Variants in UGT1A7 observed in about 807,000 individuals in gnomAD.
UGT1A7 encodes the protein UDP glucuronosyltransferase family 1 member A7.
A neutral mutation model predicts 45.6 loss-of-function variants in UGT1A7; 33 were observed. That is an observed-to-expected ratio of 0.72 (90% CI 0.55 to 0.97). UGT1A7 has a LOEUF of 0.97. UGT1A7 is among the 50% of genes least tolerant of loss of function. The probability of loss-of-function intolerance (pLI) is 0.00; values close to 1 mark genes in which losing one functional copy is unlikely to be tolerated. For missense variants in UGT1A7, 684 were observed against 666.2 expected (o/e 1.03, Z -0.29); for synonymous variants, 274 against 250.6 (o/e 1.09, Z -0.88).
intron 1 of UGT1A7, among the ~76,000 whole-genome samples, chr2:233,764,942 G>T (rs12479045): frequency 6.6e-6 from 1 of 152,080 alleles, no homozygotes; most frequent in African/African-American, 2.4e-5. Flanking sequence ...TGAGAGTGGC[G>T]GGGAGAGAGG....
chr2:233,686,767 G>A (rs764503314), intron 1 of UGT1A7, among the ~76,000 whole-genome samples: 8 of 152,058 alleles, frequency 5.3e-5, no homozygotes, highest in Non-Finnish European at 8.8e-5. Flanking sequence ...TTTATTTTAT[G>A]CAACACTCCA....
intron 1 of UGT1A7, chr2:233,719,039 A>C (rs201935850): frequency 2.4e-4 from 385 of 1,614,106 alleles, no homozygotes; most frequent in Admixed American, 1.3e-3. Flanking sequence ...AAGAAGAGAA[A>C]TTTTTCACCC....
rs45594938 is a variant in UGT1A7 at position 233,691,504 on chromosome 2, G to C, written c.855+8712G>C. The C allele has an allele frequency of 8.0e-4, 790 of 985,758 alleles. 9 individuals carry two copies. In the African/African-American group the frequency reaches 0.013, roughly 16 times the overall value. The allele number at this position is 985,758 out of a possible 1,614,324, so 61.1% of individuals were successfully genotyped here. A position where few individuals can be genotyped will look rare whatever the true frequency, so the allele number is the denominator to read the frequency against. On this transcript the variant is annotated intron_variant, in intron 1 of 4. Transcript: ENST00000373426. ...CTTGTGGGTGGGAACAGGAACTCGC[G>C]TGCCAGCCAGGTGTGCATGACTAGC...
chr2:233,768,794 G>C (rs1447773393), intron 4 of UGT1A7, among the ~76,000 whole-genome samples: 4 of 151,952 alleles, frequency 2.6e-5, no homozygotes, highest in African/African-American at 7.2e-5. Flanking sequence ...ATGTTTGTCA[G>C]GCTGGTCTTG....
In UGT1A7 at chr2:233,729,401, A is replaced by G. The variant is rs1464724125; in HGVS notation, c.856-37633A>G. ...TGGACCCAGGATGAATTTGATCGCCATGTGCTGGGCCACACTCAACTGTAC... is the reference window on the plus strand; with the variant it reads ...TGGACCCAGGATGAATTTGATCGCCGTGTGCTGGGCCACACTCAACTGTAC... On this transcript the variant is annotated intron_variant, in intron 1 of 4. Coordinates refer to ENST00000373426, the MANE Select transcript of UGT1A7 (RefSeq NM_019077.3). 1.2e-6 allele frequency: 2 copies of G among 1,613,850 alleles called. No homozygotes were observed. The highest frequency in any genetic ancestry group is 3.3e-5 in the Admixed American group (2 of 60,024).
intron 1 of UGT1A7, chr2:233,760,991 C>T (rs1247729976): frequency 1.2e-6 from 2 of 1,614,072 alleles, no homozygotes; most frequent in Non-Finnish European, 1.7e-6. Flanking sequence ...ACCCTTGCCT[C>T]AGAATTCCTT....
intron 1 of UGT1A7, chr2:233,690,513 A>G: frequency 1.6e-6 from 2 of 1,289,574 alleles, no homozygotes; most frequent in South Asian, 1.2e-5. Flanking sequence ...GATTTGTTTT[A>G]TCTTAGGATC....
chr2:233,755,221 C>G, intron 1 of UGT1A7: 1 of 995,834 alleles, frequency 1.0e-6, no homozygotes. Flanking sequence ...TTGATACCCT[C>G]GGACGAGGCC....
rs1276385712 is a variant in UGT1A7, at chr2:233,682,585, A to C, written c.648A>C (p.Glu216Asp). The change falls in exon 1 of 5, where the codon GAA (glutamate) becomes GAC (aspartate). Residue 216 changes from glutamate (E) to aspartate (D), a missense_variant. Coordinates refer to ENST00000373426, the MANE Select transcript of UGT1A7 (RefSeq NM_019077.3). ...GGAACCACATCATGCACTTGGAGGAACATTTATTTTGCCCCTATTTTTTCA... is the reference window on the plus strand; with the variant it reads ...GGAACCACATCATGCACTTGGAGGACCATTTATTTTGCCCCTATTTTTTCA... Reference protein sequence around the residue: ...RVWNHIMHLEEHLFCPYFFKN... With the variant: ...RVWNHIMHLEDHLFCPYFFKN... The C allele has an allele frequency of 1.9e-6, 3 of 1,613,942 alleles. No homozygotes were observed. Among genetic ancestry groups the C allele is most frequent in the Non-Finnish European group, 2.5e-6 (3 of 1,179,842 alleles).
chr2:233,724,187 G>A (rs1459882110), intron 1 of UGT1A7, among the ~76,000 whole-genome samples: 4 of 123,398 alleles, frequency 3.2e-5, no homozygotes, highest in Admixed American at 7.5e-5. Context: ...CCTCCCGGAC[G>A]GGGTGGCTGG....
Position 233,742,052 on chromosome 2 carries a change from GT to G in UGT1A7, c.856-24980del, listed in dbSNP as rs1691857314. On this transcript the variant is annotated intron_variant, in intron 1 of 4. Coordinates refer to ENST00000373426, the MANE Select transcript of UGT1A7 (RefSeq NM_019077.3). ...ATGTCCCAAGCATAGCAATAGGATA[GT>G]TCTGTGTGGCCTTATGGAGATCCTT... 2.0e-5 allele frequency: 3 copies of G among 151,942 alleles called. 1 individual carries two copies. Among genetic ancestry groups the G allele is most frequent in the African/African-American group, 7.3e-5 (3 of 41,170 alleles). The allele number at this position is 151,942 out of a possible 1,614,324, so 9.4% of individuals were successfully genotyped here.
At chr2:233,703,292 T>G (rs1176521363) in intron 1 of UGT1A7, among the ~76,000 whole-genome samples, 1 of 151,522 alleles carries the variant, frequency 6.6e-6, no homozygotes, top group African/African-American at 2.4e-5. Context: ...GGTAGTAACA[T>G]TCCCTCTTTC....
At position 233,747,921 on chromosome 2, in the gene UGT1A7, G is replaced by A. The variant is rs1693813476; in HGVS notation, c.856-19113G>A. The A allele has an allele frequency of 2.2e-5, 36 of 1,613,276 alleles. 2 individuals are homozygous for A. The South Asian group carries it at 4.0e-4, about 18-fold the overall frequency. ...TGCTCCTTATGCAAGCCTTGCCTCT[G>A]AGCTTTTTCAGAGGGAGGTGTCAGT... On this transcript the variant is annotated intron_variant, in intron 1 of 4. Coordinates refer to ENST00000373426, the MANE Select transcript of UGT1A7 (RefSeq NM_019077.3).
chr2:233,694,648 C>CT (rs745676395), intron 1 of UGT1A7, among the ~76,000 whole-genome samples: 1 of 152,166 alleles, frequency 6.6e-6, no homozygotes, highest in Non-Finnish European at 1.5e-5. Context: ...TTTCCAGTTC[C>CT]TTTTTTATCA....
At chr2:233,760,188 CG>C (rs1250855848) in intron 1 of UGT1A7, 1 of 1,563,540 alleles carries the variant, frequency 6.4e-7, no homozygotes, top group Non-Finnish European at 8.6e-7. Context: ...TTTATAGTCA[CG>C]TGACACAGTC....
intron 1 of UGT1A7, chr2:233,721,743 A>G: frequency 2.3e-6 from 1 of 437,974 alleles, no homozygotes; most frequent in Non-Finnish European, 4.5e-6. Flanking sequence ...TAATGATGAG[A>G]GAATCTACAT....
At position 233,768,309 on chromosome 2, in the gene UGT1A7, C is replaced by T. The variant is rs1286993592; in HGVS notation, c.1165C>T (p.Pro389Ser). 15 of 1,614,122 alleles carry T rather than the reference C, an allele frequency of 9.3e-6. No homozygotes were observed. The highest frequency in any genetic ancestry group is 1.3e-5 in the Non-Finnish European group (15 of 1,180,034). Reference protein sequence around the residue: ...ICNGVPMVMMPLFGDQMDNAK... With the variant: ...ICNGVPMVMMSLFGDQMDNAK... ...CAATGGCGTTCCCATGGTGATGATG[C>T]CCTTGTTTGGTGATCAGATGGACAA... Residue 389 changes from proline to serine, a missense_variant, in exon 4 of 5, where the codon CCC becomes TCC. Physicochemically the swap from Pro to Ser is moderately conservative, Grantham distance 74 (BLOSUM62 -1). Coordinates refer to ENST00000373426, the MANE Select transcript of UGT1A7 (RefSeq NM_019077.3).
chr2:233,718,525 G>A (rs1278661591), intron 1 of UGT1A7, among the ~76,000 whole-genome samples: 2 of 152,236 alleles, frequency 1.3e-5, no homozygotes, highest in East Asian at 3.8e-4. Flanking sequence ...GGTGTCCACA[G>A]CCTTGTGTTG....
At chr2:233,748,150 A>T (rs1362576918) in intron 1 of UGT1A7, 1 of 1,604,682 alleles carries the variant, frequency 6.2e-7, no homozygotes, top group East Asian at 2.2e-5. Context: ...TTTACTTACA[A>T]TTGCTTCCAT....
Sources: gnomAD v4.1 joint callset for allele counts (sites outside exome capture counted in the v4.1 genomes callset) on GRCh38, gnomAD v4.1.1 for gene constraint, MANE v1.5 for transcripts, NCBI Gene and HGNC (gene_info 2026-07-23, HGNC 2026-07-21) for gene names.